Variants in MYH2 observed in about 807,000 individuals in gnomAD.
The protein encoded by MYH2 is myosin heavy chain 2, also known as myosin-2.
MYH2 carries 139 observed loss-of-function variants against 228.1 expected under a neutral mutation model. That is an observed-to-expected ratio of 0.61 (90% CI 0.53 to 0.70). The LOEUF (loss-of-function observed/expected upper bound fraction) is 0.70. MYH2 is among the 30% of genes least tolerant of loss of function. MYH2 has a pLI of 0.00. For missense variants in MYH2, 1,809 were observed against 2,357.5 expected (o/e 0.77, Z 4.82); for synonymous variants, 796 against 871.1 (o/e 0.91, Z 1.52).
Position 10,525,454 on chromosome 17 carries a change from G to A in MYH2, c.4534C>T (p.Gln1512Ter), listed in dbSNP as rs1286711473. ...ETLKRENKNL[Q>*]QEISDLTEQI... ...ATTGAATATGATAGGGACTTACGCT[G>A]TAAGTTTTTGTTCTCTCGCTTCAGG... The change falls in exon 32 of 40, where the codon CAG (glutamine) becomes TAG (stop). Residue 1512 changes from glutamine to a stop codon, truncating the protein, a stop_gained. Coordinates refer to ENST00000245503, the MANE Select transcript of MYH2 (RefSeq NM_017534.6). LOFTEE classifies it high-confidence loss of function. The surrounding 1 kb of genome is among the most constrained non-coding windows in gnomAD (Gnocchi z 4.2). The A allele has an allele frequency of 6.2e-7, 1 of 1,614,064 alleles. No individual in the cohort carries two copies.
At chr17:10,528,406 G>C (rs1003113067) in intron 27 of MYH2, among the ~76,000 whole-genome samples, 1 of 152,094 alleles carries the variant, frequency 6.6e-6, no homozygotes, top group East Asian at 1.9e-4. Flanking sequence ...AATAATTGGA[G>C]ACCTTTGTTC....
chr17:10,543,515 A>G (rs1456722979), intron 8 of MYH2, among the ~76,000 whole-genome samples, 196 bp downstream of exon 8: 1 of 129,906 alleles, frequency 7.7e-6, no homozygotes, highest in East Asian at 2.2e-4. Flanking sequence ...ATCATGACAG[A>G]TAAGAAAGAA....
rs1240903804 is a variant in MYH2, at chr17:10,530,004, G to C, written c.2768C>G (p.Ala923Gly). 1.1e-5 allele frequency: 18 copies of C among 1,613,934 alleles called. No individual in the cohort carries two copies. Among genetic ancestry groups the C allele is most frequent in the Non-Finnish European group, 1.5e-5 (18 of 1,179,972 alleles). Residue 923 changes from alanine to glycine, a missense_variant, in exon 23 of 40, where the codon GCC becomes GGC. By Grantham distance (60) the Ala-to-Gly change is moderately conservative (BLOSUM62 0). Coordinates refer to ENST00000245503, the MANE Select transcript of MYH2 (RefSeq NM_017534.6). Reference protein sequence around the residue: ...QLIKTKIQLEAKIKEVTERAE... With the variant: ...QLIKTKIQLEGKIKEVTERAE... ...TCTCTCAGTCACCTCTTTGATTTTG[G>C]CTTCTAGCTGGATTTTGGTTTTGAT...
At position 10,524,412 on chromosome 17, in the gene MYH2, C is replaced by T; in HGVS notation, c.5175+54G>A. 1 of 1,610,452 alleles carries T rather than the reference C, an allele frequency of 6.2e-7. No individual in the cohort carries two copies. The highest frequency in any genetic ancestry group is 8.5e-7 in the Non-Finnish European group (1 of 1,176,686). On this transcript the variant is annotated intron_variant, in intron 35 of 39. Transcript: ENST00000245503. The surrounding 1 kb of genome is among the most constrained non-coding windows in gnomAD (Gnocchi z 4.7). ...CTGTCTTATGAAAACTCAGGCTTAT[C>T]TATTCTGGGACATATAAAATTTACT...
chr17:10,548,036 TTCC>T, intron 2 of MYH2, 96 bp from the exon 3 acceptor site: 1 of 1,081,612 alleles, frequency 9.2e-7, no homozygotes, highest in Non-Finnish European at 1.4e-6. Context: ...CAGTTGGAAA[TTCC>T]ACTAGACAGG....
chr17:10,531,755 T>C lies in MYH2; in HGVS notation c.2575A>G (p.Lys859Glu). 3 of 1,614,206 alleles carry C rather than the reference T, an allele frequency of 1.9e-6. No homozygotes were observed. The highest frequency in any genetic ancestry group is 2.5e-6 in the Non-Finnish European group (3 of 1,180,030). ...AETEKEMATM[K>E]EEFQKIKDEL... Reference sequence around the variant, plus strand: ...TCTTTAATTTTCTGAAATTCTTCCTTCATGGTGGCCATCTCCTTCTCAGTT... The same window carrying C: ...TCTTTAATTTTCTGAAATTCTTCCTCCATGGTGGCCATCTCCTTCTCAGTT... The change falls in exon 22 of 40, where the codon AAG becomes GAG. Residue 859 changes from lysine to glutamate, a missense_variant. Lys to Glu is a moderately conservative substitution (Grantham distance 56, BLOSUM62 1). Transcript: ENST00000245503.
rs1367200092 is a variant in MYH2 at position 10,526,582 on chromosome 17, C to T, written c.4187+17G>A. 6.2e-7 allele frequency: 1 copy of T among 1,613,978 alleles called. No homozygotes were observed. Among genetic ancestry groups the T allele is most frequent in the Admixed American group, 1.7e-5 (1 of 60,016 alleles). On this transcript the variant is annotated intron_variant, in intron 30 of 39. Coordinates refer to ENST00000245503, the MANE Select transcript of MYH2 (RefSeq NM_017534.6). ...ATGCAAAGTTTTCTGCTCATTCTCT[C>T]ATATCTGTGCACATACTTGGCCTCC...
At chr17:10,545,320 A>C (rs760690124) in intron 5 of MYH2, 26 bp downstream of exon 5, 1 of 1,612,612 alleles carries the variant, frequency 6.2e-7, no homozygotes, top group Admixed American at 1.7e-5. Context: ...AGGTTTACGC[A>C]CTTGCAAAGC....
At chr17:10,549,192 C>T (rs140432014) in intron 2 of MYH2, among the ~76,000 whole-genome samples, 183 bp downstream of exon 2, 1 of 152,286 alleles carries the variant, frequency 6.6e-6, no homozygotes, top group African/African-American at 2.4e-5. Context: ...ATGCTTGAGC[C>T]GTAAATGAGG....
intron 39 of MYH2, among the ~76,000 whole-genome samples, chr17:10,521,801 G>T (rs1380679809): frequency 6.6e-6 from 1 of 151,916 alleles, no homozygotes; most frequent in African/African-American, 2.4e-5. Flanking sequence ...TATTAAGAAT[G>T]AACTTATTAA....
chr17:10,542,048 C>T (rs376657670), intron 10 of MYH2, among the ~76,000 whole-genome samples: 49 of 152,254 alleles, frequency 3.2e-4, no homozygotes, highest in African/African-American at 9.6e-4. Flanking sequence ...CCAAGGTGGC[C>T]AGATCACCTG....
Position 10,523,489 on chromosome 17 carries a change from G to A in MYH2, c.5472+7C>T. 1 of 1,614,178 alleles carries A rather than the reference G, an allele frequency of 6.2e-7. No individual in the cohort carries two copies. The highest frequency in any genetic ancestry group is 8.5e-7 in the Non-Finnish European group (1 of 1,180,046). On this transcript the variant is annotated splice_region_variant and intron_variant, in intron 37 of 39. Coordinates refer to ENST00000245503, the MANE Select transcript of MYH2 (RefSeq NM_017534.6). ...AGATGGAAATAGACAGATATTGGGA[G>A]ACCCACCCTGGCCTCCAGTTTCTGG...
rs1378281348 is a variant in MYH2 at position 10,523,822 on chromosome 17, C to G, written c.5238G>C (p.Glu1746Asp). 8 of 1,614,044 alleles carry G rather than the reference C, an allele frequency of 5.0e-6. No individual in the cohort carries two copies. The African/African-American group carries it at 9.3e-5, about 19-fold the overall frequency. ...LETDISQMQGEMEDILQEARN... is the reference protein window; with the variant it reads ...LETDISQMQGDMEDILQEARN... ...GGGCTTCCTGGAGAATGTCCTCCAT[C>G]TCTCCTTGCATTTGGGAAATATCTG... Residue 1746 changes from glutamate to aspartate, a missense_variant, in exon 36 of 40, where the codon GAG becomes GAC. Glu to Asp is a conservative substitution (Grantham distance 45). Transcript: ENST00000245503.
Position 10,537,136 on chromosome 17 carries a change from G to A in MYH2, c.1897+97C>T, listed in dbSNP as rs1011675755. ...AATACTTGGAGGAACCAGGGGCTTG[G>A]TCTGCAACCCTTCTGCCAGACCTAA... On this transcript the variant is annotated intron_variant, in intron 16 of 39. Coordinates refer to ENST00000245503, the MANE Select transcript of MYH2 (RefSeq NM_017534.6). The surrounding 1 kb of genome is among the most constrained non-coding windows in gnomAD (Gnocchi z 4.0). The A allele has an allele frequency of 6.6e-7, 1 of 1,523,922 alleles. No homozygotes were observed. Among genetic ancestry groups the A allele is most frequent in the Non-Finnish European group, 9.0e-7 (1 of 1,105,260 alleles). The allele number at this position is 1,523,922 out of a possible 1,614,324, so 94.4% of individuals were successfully genotyped here.
intron 19 of MYH2, among the ~76,000 whole-genome samples, chr17:10,534,839 C>T (rs2073464386): frequency 1.3e-5 from 2 of 152,186 alleles, no homozygotes; most frequent in South Asian, 2.1e-4. Context: ...ATCGCTTGAA[C>T]CCAGGAGGCA....
rs187417127 is a variant in MYH2, at chr17:10,537,633, G to C, written c.1587+32C>G. The C allele has an allele frequency of 3.1e-6, 5 of 1,613,938 alleles. No individual in the cohort carries two copies. The highest frequency in any genetic ancestry group is 3.4e-6 in the Non-Finnish European group (4 of 1,180,008). ...AAAAGCAGCGAATAATATAGTTGCC[G>C]CAAAATATGGTTTCAGAAATGCAAA... On this transcript the variant is annotated intron_variant, in intron 15 of 39. Coordinates refer to ENST00000245503, the MANE Select transcript of MYH2 (RefSeq NM_017534.6). This position sits in a 1 kb window ranked among gnomAD's most constrained non-coding sequence, Gnocchi z 4.0.
rs1444813790 is a variant in MYH2 at position 10,540,680 on chromosome 17, T to C, written c.922A>G (p.Thr308Ala). ...ACAAATGGGTAATCATATGGGTTCG[T>C]GGTAATCAGAAGCATTTCTAAGTAC... ...PELIEMLLIT[T>A]NPYDYPFVSQ... is the part of the protein sequence containing the mutation. The change falls in exon 11 of 40, where the codon ACG becomes GCG. Residue 308 changes from threonine (T) to alanine (A), a missense_variant. Thr to Ala is a moderately conservative substitution (Grantham distance 58, BLOSUM62 0). Transcript: ENST00000245503. 6.2e-7 allele frequency: 1 copy of C among 1,610,896 alleles called. No homozygotes were observed. The highest frequency in any genetic ancestry group is 8.5e-7 in the Non-Finnish European group (1 of 1,177,044).
chr17:10,526,845 T>C (rs769339384), intron 29 of MYH2, 50 bp from the exon 30 acceptor site: 7 of 1,614,020 alleles, frequency 4.3e-6, no homozygotes, highest in Non-Finnish European at 5.9e-6. Flanking sequence ...AATATTTAAC[T>C]CTTAACTTTC....
intron 11 of MYH2, 46 bp downstream of exon 11, chr17:10,540,548 A>T: frequency 6.9e-7 from 1 of 1,456,478 alleles, no homozygotes; most frequent in Non-Finnish European, 9.6e-7. Context: ...GATCACCATT[A>T]CTCTGACCCA....
Sources: gnomAD v4.1 joint callset for allele counts (sites outside exome capture counted in the v4.1 genomes callset) on GRCh38, gnomAD v4.1.1 for gene constraint, Gnocchi (gnomAD v3.1) non-coding constraint, MANE v1.5 for transcripts, NCBI Gene and HGNC (gene_info 2026-07-23, HGNC 2026-07-21) for gene names.